WWP1: variants seen among roughly 807,000 people sequenced by gnomAD.
WWP1 encodes WW domain containing E3 ubiquitin protein ligase 1.
A neutral mutation model predicts 130.6 loss-of-function variants in WWP1; 49 were observed. The observed-to-expected ratio is 0.38, with a 90% CI of 0.30 to 0.48. WWP1 has a LOEUF of 0.48. Among genes scored for constraint, WWP1 ranks in the 20% least tolerant of loss-of-function variants. WWP1 has a pLI of 0.99. For missense variants in WWP1, 809 were observed against 1,100.6 expected (o/e 0.74, Z 3.75); for synonymous variants, 332 against 367.8 (o/e 0.90, Z 1.11).
intron 11 of WWP1, among the ~76,000 whole-genome samples, 192 bp from the exon 12 acceptor site, chr8:86,430,505 G>A (rs1809878525): frequency 6.6e-6 from 1 of 151,688 alleles, no homozygotes. Context: ...TTGAACTCCT[G>A]GGCTTAAGTA....
intron 20 of WWP1, among the ~76,000 whole-genome samples, 200 bp downstream of exon 20, chr8:86,448,713 A>G (rs930716639): frequency 2.6e-5 from 4 of 151,830 alleles, no homozygotes; most frequent in Non-Finnish European, 5.9e-5. Context: ...TTCCCTTTCC[A>G]TGTCATTTTC....
At chr8:86,381,003 A>T (rs1824952599) in intron 4 of WWP1, 139 bp downstream of exon 4, 1 of 1,173,224 alleles carries the variant, frequency 8.5e-7, no homozygotes, top group Admixed American at 3.8e-5. Context: ...GTATGGAGAA[A>T]TTTTTGGTTA....
chr8:86,431,628 G>A lies in WWP1; in HGVS notation c.1486G>A (p.Glu496Lys). Residue 496 changes from glutamate (E) to lysine (K), a missense_variant, in exon 14 of 25, where the codon GAA (glutamate) becomes AAA (lysine). This residue lies in a region of WWP1 where 450 missense variants were observed against 674.2 expected (regional missense o/e 0.67). Coordinates refer to ENST00000517970, the MANE Select transcript of WWP1 (RefSeq NM_007013.4). ...TTTATCTTTTAGCTTACAGAATGAA[G>A]AACCCCTGCCAGAAGGCTGGGAAAT... ...DPRTQGLQNE[E>K]PLPEGWEIRY... The A allele has an allele frequency of 6.2e-7, 1 of 1,613,746 alleles. No individual in the cohort carries two copies. Among genetic ancestry groups the A allele is most frequent in the South Asian group, 1.1e-5 (1 of 90,976 alleles).
intron 1 of WWP1, among the ~76,000 whole-genome samples, chr8:86,357,136 A>G (rs1239040674): frequency 1.3e-5 from 2 of 152,168 alleles, no homozygotes; most frequent in African/African-American, 4.8e-5. Context: ...AATATGCACT[A>G]TTTTCAGTGA....
chr8:86,425,603 G>A (rs926279200), intron 10 of WWP1, among the ~76,000 whole-genome samples: 15 of 151,992 alleles, frequency 9.9e-5, no homozygotes, highest in Admixed American at 4.6e-4. Context: ...TAGTATTTAG[G>A]ACAGTTTATA....
intron 5 of WWP1, among the ~76,000 whole-genome samples, chr8:86,388,898 C>T (rs565250345): frequency 6.6e-6 from 1 of 152,166 alleles, no homozygotes; most frequent in South Asian, 2.1e-4. Context: ...TTGCTAACAG[C>T]CAGTAGACTT....
chr8:86,390,004 C>T (rs1247481464), intron 5 of WWP1, among the ~76,000 whole-genome samples: 2 of 152,050 alleles, frequency 1.3e-5, no homozygotes, highest in Non-Finnish European at 2.9e-5. Context: ...AGACGCTCCT[C>T]ACCTCCCAGA....
chr8:86,452,862 C>T (rs1246824369), intron 21 of WWP1, among the ~76,000 whole-genome samples, 183 bp downstream of exon 21: 3 of 152,128 alleles, frequency 2.0e-5, no homozygotes, highest in Non-Finnish European at 2.9e-5. Context: ...ATTATGTTCT[C>T]TGAACCATAT....
At chr8:86,441,124 G>T (rs1053627489) in intron 17 of WWP1, among the ~76,000 whole-genome samples, 1 of 152,176 alleles carries the variant, frequency 6.6e-6, no homozygotes, top group African/African-American at 2.4e-5. Context: ...TTCTTCTTTT[G>T]AATTGATTGA....
chr8:86,409,628 G>C (rs1290457237), intron 8 of WWP1, among the ~76,000 whole-genome samples: 1 of 151,786 alleles, frequency 6.6e-6, no homozygotes, highest in Non-Finnish European at 1.5e-5. Context: ...GGGAGGCCAA[G>C]TTGGGTGGAT....
intron 9 of WWP1, 147 bp from the exon 10 acceptor site, chr8:86,425,076 A>T: frequency 1.9e-6 from 1 of 517,506 alleles, no homozygotes; most frequent in Non-Finnish European, 3.4e-6. Context: ...GTATATATAT[A>T]TAATAGCCTT....
At chr8:86,437,555 C>T (rs1056691941) in intron 16 of WWP1, among the ~76,000 whole-genome samples, 2 of 152,120 alleles carry the variant, frequency 1.3e-5, no homozygotes, top group African/African-American at 4.8e-5. Context: ...CCTGTCTTGT[C>T]ATTAACCCAA....
chr8:86,443,325 C>T (rs975904700), intron 18 of WWP1, among the ~76,000 whole-genome samples: 55 of 152,260 alleles, frequency 3.6e-4, no homozygotes, highest in African/African-American at 1.2e-3. Context: ...CCGCCTGTCT[C>T]GGCCTCCCAA....
intron 1 of WWP1, among the ~76,000 whole-genome samples, chr8:86,362,009 T>C (rs1418181302): frequency 7.8e-5 from 10 of 127,698 alleles, no homozygotes; most frequent in South Asian, 2.5e-4. Context: ...TATACACACA[T>C]ATATATATAC....
chr8:86,401,711 C>A (rs531113985), intron 7 of WWP1, among the ~76,000 whole-genome samples: 1 of 151,720 alleles, frequency 6.6e-6, no homozygotes, highest in African/African-American at 2.4e-5. Flanking sequence ...TGTGGGAGAC[C>A]GTATTTATTT....
At chr8:86,412,695 G>A (rs555696000) in intron 9 of WWP1, among the ~76,000 whole-genome samples, 9 of 72,924 alleles carry the variant, frequency 1.2e-4, no homozygotes, top group East Asian at 5.1e-4. Context: ...GTTAGTGTAC[G>A]TTGGTTTTTT....
intron 1 of WWP1, among the ~76,000 whole-genome samples, chr8:86,348,403 A>T (rs899451340): frequency 3.3e-5 from 5 of 152,092 alleles, no homozygotes; most frequent in Non-Finnish European, 7.4e-5. Flanking sequence ...TTTTTAGTAG[A>T]GACGGGGTTT....
chr8:86,373,471 G>A (rs1254660250), intron 2 of WWP1, among the ~76,000 whole-genome samples: 1 of 151,960 alleles, frequency 6.6e-6, no homozygotes, highest in South Asian at 2.1e-4. Context: ...ACTGTATTTT[G>A]AGGCTTCCCA....
At chr8:86,370,194 A>G (rs564058555) in intron 2 of WWP1, among the ~76,000 whole-genome samples, 57 of 152,348 alleles carry the variant, frequency 3.7e-4, no homozygotes, top group African/African-American at 1.3e-3. Flanking sequence ...GCTTGCACAT[A>G]TGGTATTTTA....
Sources: gnomAD v4.1 joint callset for allele counts (sites outside exome capture counted in the v4.1 genomes callset) on GRCh38, gnomAD v4.1.1 for gene constraint, gnomAD v4.1.1 regional missense constraint, MANE v1.5 for transcripts, NCBI Gene and HGNC (gene_info 2026-07-23, HGNC 2026-07-21) for gene names.